THSD7B: variants seen among roughly 807,000 people sequenced by gnomAD.
THSD7B encodes thrombospondin type-1 domain-containing protein 7B.
A neutral mutation model predicts 213.6 loss-of-function variants in THSD7B; 138 were observed. The observed-to-expected ratio is 0.65, with a 90% CI of 0.56 to 0.74. The LOEUF is 0.74. THSD7B is among the 30% of genes least tolerant of loss of function. THSD7B has a pLI of 0.00. For synonymous variants in THSD7B, 742 were observed against 687.0 expected, an observed-to-expected ratio of 1.08 and a Z score of -1.25; for missense variants, 1,931 against 1,991.5, an observed-to-expected ratio of 0.97 and a Z score of 0.58.
chr2:137,675,471 A>AT (rs1683679729), intron 27 of THSD7B, among the ~76,000 whole-genome samples: 3 of 146,070 alleles, frequency 2.1e-5, no homozygotes, highest in Admixed American at 2.0e-4. Flanking sequence ...TGAAAAGGTT[A>AT]AAAGCTCAGG....
intron 2 of THSD7B, among the ~76,000 whole-genome samples, chr2:136,943,388 A>G (rs12691901): frequency 0.48 from 73,190 of 151,976 alleles, 18,781 homozygotes; most frequent in Non-Finnish European, 0.58. Context: ...GATGATGGCT[A>G]GCCTCATAAA....
At chr2:136,766,054 G>A (rs1450724710) in intron 1 of THSD7B, among the ~76,000 whole-genome samples, 1 of 152,202 alleles carries the variant, frequency 6.6e-6, no homozygotes, top group Non-Finnish European at 1.5e-5. Flanking sequence ...CTTGGTTTGA[G>A]GGATACTGAT....
chr2:137,445,763 T>C (rs1687523727), intron 14 of THSD7B, among the ~76,000 whole-genome samples: 1 of 151,950 alleles, frequency 6.6e-6, no homozygotes. Context: ...TGAGTTGTAA[T>C]GTTCCCAACA....
chr2:137,166,285 A>C (rs1210072056), intron 6 of THSD7B, among the ~76,000 whole-genome samples: 1 of 152,100 alleles, frequency 6.6e-6, no homozygotes, highest in African/African-American at 2.4e-5. Flanking sequence ...TCTTTGATAC[A>C]CTCCCAGAGT....
At chr2:137,159,186 C>A (rs1047117161) in intron 5 of THSD7B, among the ~76,000 whole-genome samples, 3 of 152,050 alleles carry the variant, frequency 2.0e-5, no homozygotes, top group Admixed American at 6.6e-5. Context: ...AATCCCAGCA[C>A]TTTGGGAGGC....
intron 14 of THSD7B, among the ~76,000 whole-genome samples, chr2:137,420,504 G>A (rs1462925435): frequency 1.3e-5 from 2 of 152,048 alleles, no homozygotes; most frequent in African/African-American, 2.4e-5. Context: ...ATGTTTGTTA[G>A]CAAGATATAC....
chr2:137,582,456 A>G (rs927753121), intron 17 of THSD7B, among the ~76,000 whole-genome samples: 160 of 152,064 alleles, frequency 1.1e-3, no homozygotes, highest in African/African-American at 3.6e-3. Flanking sequence ...CCTCATTTAC[A>G]TTAGGTATAT....
At chr2:137,488,534 C>T (rs1189211493) in intron 15 of THSD7B, among the ~76,000 whole-genome samples, 1 of 152,122 alleles carries the variant, frequency 6.6e-6, no homozygotes, top group African/African-American at 2.4e-5. Flanking sequence ...ATAGAATTAT[C>T]AATGATTGAT....
chr2:137,288,918 T>C (rs759293639), intron 12 of THSD7B, among the ~76,000 whole-genome samples: 1 of 152,036 alleles, frequency 6.6e-6, no homozygotes, highest in South Asian at 2.1e-4. Context: ...ATGAAAAGGA[T>C]GCTCCTTCAC....
intron 16 of THSD7B, 137 bp from the exon 17 acceptor site, chr2:137,572,269 G>A: frequency 9.5e-7 from 1 of 1,053,666 alleles, no homozygotes; most frequent in Non-Finnish European, 1.4e-6. Flanking sequence ...AAGGAGGAAA[G>A]TTTTGTTCCC....
chr2:137,345,835 A>G (rs1312684993), intron 12 of THSD7B, among the ~76,000 whole-genome samples: 4 of 151,546 alleles, frequency 2.6e-5, no homozygotes, highest in Non-Finnish European at 4.4e-5. Context: ...AAAAGAAAGG[A>G]TAAGAGACAT....
intron 9 of THSD7B, among the ~76,000 whole-genome samples, chr2:137,233,835 G>GA (rs2105057054): frequency 6.6e-6 from 1 of 152,284 alleles, no homozygotes; most frequent in African/African-American, 2.4e-5. Flanking sequence ...CTGTGGGAAG[G>GA]CTGGTAAAGA....
At chr2:137,446,069 G>T (rs1000375195) in intron 14 of THSD7B, among the ~76,000 whole-genome samples, 23 of 151,094 alleles carry the variant, frequency 1.5e-4, no homozygotes, top group African/African-American at 5.3e-4. Flanking sequence ...TTCATTATTC[G>T]AGCACAGTGT....
intron 7 of THSD7B, among the ~76,000 whole-genome samples, chr2:137,203,500 A>G (rs1312558218): frequency 6.6e-6 from 1 of 152,076 alleles, no homozygotes; most frequent in African/African-American, 2.4e-5. Context: ...TTACATGTGA[A>G]ATAGATCTTG....
chr2:136,968,518 G>A (rs1210338120), intron 2 of THSD7B, among the ~76,000 whole-genome samples: 1 of 151,986 alleles, frequency 6.6e-6, no homozygotes. Flanking sequence ...GATGACTGCT[G>A]CACTGGTTAT....
chr2:137,259,452 T>C (rs1469341176), intron 10 of THSD7B, among the ~76,000 whole-genome samples: 5 of 152,232 alleles, frequency 3.3e-5, no homozygotes, highest in African/African-American at 1.2e-4. Context: ...ATGAGCTTTT[T>C]TATATATGTT....
At chr2:137,285,494 C>A (rs1683148625) in intron 12 of THSD7B, among the ~76,000 whole-genome samples, 2 of 151,260 alleles carry the variant, frequency 1.3e-5, no homozygotes, top group African/African-American at 4.8e-5. Context: ...TCTTCCTAGC[C>A]TTCATGGTCT....
At chr2:137,317,971 C>A (rs1684165460) in intron 12 of THSD7B, among the ~76,000 whole-genome samples, 1 of 152,100 alleles carries the variant, frequency 6.6e-6, no homozygotes, top group South Asian at 2.1e-4. Context: ...GGTTTAGTTG[C>A]AGCTATTCCT....
intron 4 of THSD7B, among the ~76,000 whole-genome samples, chr2:137,110,578 G>C (rs926890920): frequency 3.9e-5 from 6 of 152,150 alleles, no homozygotes; most frequent in African/African-American, 1.2e-4. Flanking sequence ...TGGAGGGCAG[G>C]TTTCTCTAAC....
Sources: gnomAD v4.1 joint callset for allele counts (sites outside exome capture counted in the v4.1 genomes callset) on GRCh38, gnomAD v4.1.1 for gene constraint, MANE v1.5 for transcripts, NCBI Gene and HGNC (gene_info 2026-07-23, HGNC 2026-07-21) for gene names.